SYN3: variants seen among roughly 807,000 people sequenced by gnomAD.
SYN3 encodes synapsin-3.
In SYN3, 35 loss-of-function variants were observed where a neutral mutation model predicts 65.8. That is an observed-to-expected ratio of 0.53 (90% CI 0.41 to 0.70). SYN3 has a LOEUF of 0.70. Among genes scored for constraint, SYN3 ranks in the 30% least tolerant of loss-of-function variants. The probability of loss-of-function intolerance (pLI) is 0.00; values close to 1 mark genes in which losing one functional copy is unlikely to be tolerated. For missense variants in SYN3, 680 were observed against 749.0 expected, an observed-to-expected ratio of 0.91 and a Z score of 1.08; for synonymous variants, 270 against 292.9, an observed-to-expected ratio of 0.92 and a Z score of 0.80.
chr22:32,908,231 G>A (rs2049955714), intron 4 of SYN3, among the ~76,000 whole-genome samples: 1 of 151,816 alleles, frequency 6.6e-6, no homozygotes, highest in African/African-American at 2.4e-5. Flanking sequence ...GATTATAAGT[G>A]CCCACTACCA....
chr22:32,582,006 G>T (rs1438097864), intron 7 of SYN3, among the ~76,000 whole-genome samples: 3 of 151,858 alleles, frequency 2.0e-5, no homozygotes, highest in Non-Finnish European at 4.4e-5. Context: ...CACCATGTTG[G>T]CCAGGCTGGT....
intron 7 of SYN3, among the ~76,000 whole-genome samples, chr22:32,565,615 C>T (rs2058661984): frequency 1.3e-5 from 2 of 150,850 alleles, no homozygotes; most frequent in Non-Finnish European, 3.0e-5. Context: ...CTCCTGGGCT[C>T]AAGCAATCCT....
intron 12 of SYN3, among the ~76,000 whole-genome samples, chr22:32,518,661 T>G (rs998565777): frequency 3.3e-5 from 5 of 152,170 alleles, no homozygotes; most frequent in Non-Finnish European, 7.3e-5. Flanking sequence ...TTGGCACATA[T>G]GTAAAAACAT....
At chr22:32,676,449 T>C (rs1290877966) in intron 6 of SYN3, among the ~76,000 whole-genome samples, 2 of 151,514 alleles carry the variant, frequency 1.3e-5, no homozygotes, top group Non-Finnish European at 2.9e-5. Flanking sequence ...CCTGTGCCAG[T>C]GCAAAGTCTC....
At chr22:32,903,795 A>G (rs1346846041) in intron 4 of SYN3, among the ~76,000 whole-genome samples, 4 of 152,232 alleles carry the variant, frequency 2.6e-5, no homozygotes, top group African/African-American at 4.8e-5. Flanking sequence ...ACTGACGACA[A>G]TGGGTGACTT....
intron 6 of SYN3, among the ~76,000 whole-genome samples, chr22:32,621,379 A>C (rs34516260): frequency 5.3e-5 from 8 of 151,682 alleles, no homozygotes; most frequent in Non-Finnish European, 7.4e-5. Context: ...TCAGGAATGA[A>C]CCAGGAACGT....
At chr22:32,525,676 A>G (rs1477814781) in intron 12 of SYN3, among the ~76,000 whole-genome samples, 1 of 149,584 alleles carries the variant, frequency 6.7e-6, no homozygotes, top group African/African-American at 2.5e-5. Flanking sequence ...ACGCCATAGC[A>G]CTCCAGCCTG....
rs34710233 is a variant in SYN3, at chr22:32,521,442, ATTTTT to A, written c.1319-3113_1319-3109del. Among the ~76,000 whole-genome samples the A allele has an allele frequency of 5.0e-5, 6 of 119,776 alleles. No homozygotes were observed. The Admixed American group carries it at 5.8e-4, about 12-fold the overall frequency. 78.6% of individuals were successfully genotyped at this position (119,776 alleles called of 152,430 possible). ...CTAGATGTTTAAGCAACACCTCTTGATTTTTTTTTTTTTTTTTTTTGAGACGGAGT... is the reference window on the plus strand; with the variant it reads ...CTAGATGTTTAAGCAACACCTCTTGATTTTTTTTTTTTTTTGAGACGGAGT... On this transcript the variant is annotated intron_variant, in intron 12 of 13. Coordinates refer to ENST00000358763, the MANE Select transcript of SYN3 (RefSeq NM_003490.4).
chr22:32,652,025 C>T (rs868262337), intron 6 of SYN3, among the ~76,000 whole-genome samples: 5 of 152,304 alleles, frequency 3.3e-5, no homozygotes, highest in Middle Eastern at 6.8e-3. Context: ...AGTTGAGAGG[C>T]TCTGCATTAG....
intron 2 of SYN3, among the ~76,000 whole-genome samples, chr22:33,005,272 A>G (rs532028849): frequency 6.6e-6 from 1 of 152,250 alleles, no homozygotes; most frequent in East Asian, 1.9e-4. Context: ...TCCATCCCCA[A>G]AAGCCATGTA....
intron 3 of SYN3, among the ~76,000 whole-genome samples, chr22:32,973,217 C>T (rs768214201): frequency 1.3e-5 from 2 of 152,110 alleles, no homozygotes; most frequent in African/African-American, 2.4e-5. Flanking sequence ...TTCTAACCAA[C>T]CACCCTCTGT....
chr22:32,747,717 A>T (rs2044980989), intron 6 of SYN3, among the ~76,000 whole-genome samples: 1 of 152,164 alleles, frequency 6.6e-6, no homozygotes, highest in Non-Finnish European at 1.5e-5. Context: ...CTTTACACCA[A>T]AGCAATAACC....
At chr22:32,868,746 C>T (rs909434231) in intron 5 of SYN3, among the ~76,000 whole-genome samples, 4 of 151,864 alleles carry the variant, frequency 2.6e-5, no homozygotes, top group African/African-American at 7.3e-5. Context: ...CCACCGTGCC[C>T]GGCCTATAAA....
chr22:32,821,492 A>G (rs1030401696), intron 6 of SYN3, among the ~76,000 whole-genome samples: 1 of 152,318 alleles, frequency 6.6e-6, no homozygotes, highest in African/African-American at 2.4e-5. Flanking sequence ...AATATAATGG[A>G]TGGTCCATAG....
At chr22:32,893,189 C>G (rs5994640) in intron 4 of SYN3, among the ~76,000 whole-genome samples, 197 of 152,276 alleles carry the variant, frequency 1.3e-3, no homozygotes, top group African/African-American at 4.6e-3. Context: ...CCTCCATTTG[C>G]GTATGAGAAT....
intron 6 of SYN3, among the ~76,000 whole-genome samples, chr22:32,838,842 A>C (rs750826362): frequency 6.6e-6 from 1 of 151,774 alleles, no homozygotes. Context: ...CCTGGCCACA[A>C]TCTAGGCTCT....
chr22:32,873,676 G>A (rs1020469801), intron 4 of SYN3, among the ~76,000 whole-genome samples: 25 of 152,222 alleles, frequency 1.6e-4, no homozygotes, highest in African/African-American at 6.0e-4. Context: ...CGGGTGTGTT[G>A]TATCTGAGCT....
intron 1 of SYN3, among the ~76,000 whole-genome samples, chr22:33,038,700 C>T (rs1156926695): frequency 6.6e-6 from 1 of 152,122 alleles, no homozygotes; most frequent in Non-Finnish European, 1.5e-5. Flanking sequence ...AGGAGAAATC[C>T]AACGTTCCTG....
intron 6 of SYN3, among the ~76,000 whole-genome samples, chr22:32,609,129 C>T (rs2059407954): frequency 6.6e-6 from 1 of 151,986 alleles, no homozygotes; most frequent in African/African-American, 2.4e-5. Context: ...TCGAGACCAT[C>T]CTGGCTAACA....
Sources: gnomAD v4.1 joint callset for allele counts (sites outside exome capture counted in the v4.1 genomes callset) on GRCh38, gnomAD v4.1.1 for gene constraint, MANE v1.5 for transcripts, NCBI Gene and HGNC (gene_info 2026-07-23, HGNC 2026-07-21) for gene names.